Variants in PPP1R10 observed in about 807,000 individuals in gnomAD.
PPP1R10 encodes protein phosphatase 1 regulatory subunit 10.
PPP1R10 carries 15 observed loss-of-function variants against 99.0 expected under a neutral mutation model. The observed-to-expected ratio is 0.15, with a 90% CI of 0.10 to 0.23. The LOEUF (loss-of-function observed/expected upper bound fraction) is 0.23. Among genes scored for constraint, PPP1R10 ranks in the 10% least tolerant of loss-of-function variants. PPP1R10 has a pLI of 1.00. For missense variants in PPP1R10, 947 were observed against 1,259.4 expected, an observed-to-expected ratio of 0.75 and a Z score of 3.75; for synonymous variants, 430 against 449.5, an observed-to-expected ratio of 0.96 and a Z score of 0.55.
intron 2 of PPP1R10, among the ~76,000 whole-genome samples, chr6:30,615,100 G>A (rs1760320617): frequency 6.6e-6 from 1 of 152,072 alleles, no homozygotes; most frequent in Non-Finnish European, 1.5e-5. Flanking sequence ...CTAAGCTCAG[G>A]ATGGCAAAAG....
rs1459205706 is a variant in PPP1R10, at chr6:30,603,453, G to A, written c.1767+19C>T. The A allele has an allele frequency of 1.2e-6, 2 of 1,600,276 alleles. No individual in the cohort carries two copies. Among genetic ancestry groups the A allele is most frequent in the Admixed American group, 1.7e-5 (1 of 58,720 alleles). On this transcript the variant is annotated intron_variant, in intron 16 of 19. Transcript: ENST00000376511. ...AGGAGGCTCCACAGAAGGTGGAAAA[G>A]GGGAAGGAGGGTGCGTACCATGATG...
chr6:30,611,473 G>GA (rs1804550260), intron 2 of PPP1R10, among the ~76,000 whole-genome samples: 2 of 152,192 alleles, frequency 1.3e-5, no homozygotes, highest in Admixed American at 1.3e-4. Flanking sequence ...CAGAAGGGTA[G>GA]AAAAATCAGT....
Position 30,604,934 on chromosome 6 carries a change from CCTTT to C in PPP1R10, c.954+56_954+59del, listed in dbSNP as rs901792007. 1 of 1,570,356 alleles carries C rather than the reference CCTTT, an allele frequency of 6.4e-7. No individual in the cohort carries two copies. Among genetic ancestry groups the C allele is most frequent in the African/African-American group, 1.4e-5 (1 of 73,894 alleles). ...CCCCGACAACTCCTAGCTGCTGTGCCCTTTCTTCTACTTTACCTTTTATACTCTG... is the reference window on the plus strand; with the variant it reads ...CCCCGACAACTCCTAGCTGCTGTGCCCTTCTACTTTACCTTTTATACTCTG... On this transcript the variant is annotated intron_variant, in intron 11 of 19. Coordinates refer to ENST00000376511, the MANE Select transcript of PPP1R10 (RefSeq NM_002714.4). This position sits in a 1 kb window ranked among gnomAD's most constrained non-coding sequence, Gnocchi z 7.3.
chr6:30,602,718 G>A lies in PPP1R10; in HGVS notation c.1958-27C>T. On this transcript the variant is annotated intron_variant, in intron 18 of 19. Transcript: ENST00000376511. The surrounding 1 kb of genome is among the most constrained non-coding windows in gnomAD (Gnocchi z 6.7). ...TGTAAGGGGACAAAAAAGAGAGACAGTATCAGCTACCAGGAACTGCCATCT... is the reference window on the plus strand; with the variant it reads ...TGTAAGGGGACAAAAAAGAGAGACAATATCAGCTACCAGGAACTGCCATCT... 6.2e-7 allele frequency: 1 copy of A among 1,600,452 alleles called. No homozygotes were observed.
At position 30,602,598 on chromosome 6, in the gene PPP1R10, C is replaced by T; in HGVS notation, c.2051G>A (p.Gly684Asp). ...CATTGGGCCACCCCGCATAGGGTCGCCCGGGCCATCCCAGAAGGGATCACC... is the reference window on the plus strand; with the variant it reads ...CATTGGGCCACCCCGCATAGGGTCGTCCGGGCCATCCCAGAAGGGATCACC... ...RGGDPFWDGP[G>D]DPMRGGPMRG... The change falls in exon 19 of 20, where the codon GGC (glycine) becomes GAC (aspartate). Residue 684 changes from glycine (G) to aspartate (D), a missense_variant. Around this residue, in one of 10 missense-constraint regions of PPP1R10, gnomAD observed 525 missense variants for 578.8 expected, o/e 0.91. Transcript: ENST00000376511. The surrounding 1 kb of genome is among the most constrained non-coding windows in gnomAD (Gnocchi z 6.7). 1 of 1,574,662 alleles carries T rather than the reference C, an allele frequency of 6.4e-7. No individual in the cohort carries two copies. The highest frequency in any genetic ancestry group is 8.6e-7 in the Non-Finnish European group (1 of 1,163,004).
In PPP1R10 at chr6:30,609,940, C is replaced by G. The variant is rs780275271; in HGVS notation, c.5G>C (p.Gly2Ala). 1 of 1,612,544 alleles carries G rather than the reference C, an allele frequency of 6.2e-7. No homozygotes were observed. Among genetic ancestry groups the G allele is most frequent in the Non-Finnish European group, 8.5e-7 (1 of 1,178,596 alleles). ...TTCTTTGGGGTCTATGGGACCCGAA[C>G]CCATGATGGTGGTTTCTATGGTAAG... M[G>A]SGPIDPKELL... is the part of the protein sequence containing the mutation. Residue 2 changes from glycine (G) to alanine (A), a missense_variant, in exon 3 of 20, where the codon GGT (glycine) becomes GCT (alanine). Transcript: ENST00000376511. The surrounding 1 kb of genome is among the most constrained non-coding windows in gnomAD (Gnocchi z 4.5).
chr6:30,604,884 A>G lies in PPP1R10; in HGVS notation c.954+110T>C. ...GTCTCACCTGCACCAGTCTATATCCAAGGCAAAACGCCTCTTGTTGTCCTC... is the reference window on the plus strand; with the variant it reads ...GTCTCACCTGCACCAGTCTATATCCGAGGCAAAACGCCTCTTGTTGTCCTC... On this transcript the variant is annotated intron_variant, in intron 11 of 19. Coordinates refer to ENST00000376511, the MANE Select transcript of PPP1R10 (RefSeq NM_002714.4). The surrounding 1 kb of genome is among the most constrained non-coding windows in gnomAD (Gnocchi z 7.3). 6.6e-7 allele frequency: 1 copy of G among 1,508,958 alleles called. No homozygotes were observed. Among genetic ancestry groups the G allele is most frequent in the Non-Finnish European group, 9.2e-7 (1 of 1,086,906 alleles). The allele number at this position is 1,508,958 out of a possible 1,614,324, so 93.5% of individuals were successfully genotyped here. A position where few individuals can be genotyped will look rare whatever the true frequency, so the allele number is the denominator to read the frequency against.
At chr6:30,613,979 G>A (rs1352406804) in intron 2 of PPP1R10, among the ~76,000 whole-genome samples, 2 of 152,204 alleles carry the variant, frequency 1.3e-5, no homozygotes, top group Non-Finnish European at 2.9e-5. Flanking sequence ...TAGGAAGTTA[G>A]CCCTAAGTCT....
chr6:30,601,807 A>C, intron 19 of PPP1R10, 129 bp downstream of exon 19: 1 of 1,305,438 alleles, frequency 7.7e-7, no homozygotes, highest in Non-Finnish European at 1.0e-6. Context: ...ACTGCTATGC[A>C]TACTAGGACA....
In PPP1R10 at chr6:30,603,659, G is replaced by C. The variant is rs892357039; in HGVS notation, c.1580C>G (p.Ser527Cys). 6.3e-7 allele frequency: 1 copy of C among 1,593,696 alleles called. No individual in the cohort carries two copies. The change falls in exon 16 of 20, where the codon TCC becomes TGC. Residue 527 changes from serine to cysteine, a missense_variant. Transcript: ENST00000376511. Reference protein sequence around the residue: ...PKLIPLDEECSMDETPYVETL... With the variant: ...PKLIPLDEECCMDETPYVETL... ...CTCAACATACGGAGTCTCATCCATG[G>C]AACACTCCTGAAAGAAGAACAAAAA...
At chr6:30,613,579 A>C (rs1804772217) in intron 2 of PPP1R10, among the ~76,000 whole-genome samples, 1 of 152,034 alleles carries the variant, frequency 6.6e-6, no homozygotes, top group Non-Finnish European at 1.5e-5. Context: ...TGAGCTCCTC[A>C]AAAGCTTATC....
intron 5 of PPP1R10, among the ~76,000 whole-genome samples, chr6:30,608,485 T>C (rs1804201591): frequency 1.3e-5 from 2 of 151,992 alleles, no homozygotes; most frequent in South Asian, 4.1e-4. Context: ...GTATTTTTAG[T>C]GGAGACGGGG....
Position 30,609,070 on chromosome 6 carries a change from C to T in PPP1R10, c.194+7G>A, listed in dbSNP as rs139600376. The T allele has an allele frequency of 8.3e-3, 13,475 of 1,614,060 alleles. 100 individuals carry two copies. The highest frequency in any genetic ancestry group is 0.028 in the Middle Eastern group (169 of 6,062). On this transcript the variant is annotated splice_region_variant and intron_variant, in intron 4 of 19. Transcript: ENST00000376511. The surrounding 1 kb of genome is among the most constrained non-coding windows in gnomAD (Gnocchi z 4.5). ...TTCCCATTCCAACCATCCAGATCCC[C>T]ACTTACTTGACCAATATTTCTGGTG...
In PPP1R10 at chr6:30,603,772, T is replaced by C; in HGVS notation, c.1572+8A>G. On this transcript the variant is annotated splice_region_variant and intron_variant, in intron 15 of 19. Coordinates refer to ENST00000376511, the MANE Select transcript of PPP1R10 (RefSeq NM_002714.4). ...CACAACTTCCATCATCACAGAACATTGACTTACCTCATCTAGGGGGATGAG... is the reference window on the plus strand; with the variant it reads ...CACAACTTCCATCATCACAGAACATCGACTTACCTCATCTAGGGGGATGAG... 1 of 1,541,766 alleles carries C rather than the reference T, an allele frequency of 6.5e-7. No homozygotes were observed.
rs756919666 is a variant in PPP1R10 at position 30,604,772 on chromosome 6, G to C, written c.955-37C>G. On this transcript the variant is annotated intron_variant, in intron 11 of 19. Transcript: ENST00000376511. The surrounding 1 kb of genome is among the most constrained non-coding windows in gnomAD (Gnocchi z 7.3). ...GAAAAGGAAGTTAATGAACTGACTG[G>C]AAAGCCAAGGGCAAGGCAATTAGTC... The C allele has an allele frequency of 6.2e-7, 1 of 1,612,454 alleles. No homozygotes were observed. The highest frequency in any genetic ancestry group is 8.5e-7 in the Non-Finnish European group (1 of 1,179,840).
rs992638235 is a variant in PPP1R10 at position 30,601,669 on chromosome 6, G to A, written c.2714-11C>T. The A allele has an allele frequency of 8.7e-6, 14 of 1,611,234 alleles. No homozygotes were observed. Among genetic ancestry groups the A allele is most frequent in the African/African-American group, 1.3e-5 (1 of 74,842 alleles). The stretch of plus-strand genomic sequence containing the variant: ...GGCGGTTTGACATGTCTGTGGGAAC[G>A]ATGGCAAAACAGTTAGACAGGAAAT... On this transcript the variant is annotated splice_polypyrimidine_tract_variant and intron_variant, in intron 19 of 19. Coordinates refer to ENST00000376511, the MANE Select transcript of PPP1R10 (RefSeq NM_002714.4).
chr6:30,611,855 T>C (rs1251454242), intron 2 of PPP1R10, among the ~76,000 whole-genome samples: 2 of 152,136 alleles, frequency 1.3e-5, no homozygotes, highest in Non-Finnish European at 2.9e-5. Flanking sequence ...AGGAGAATAC[T>C]GGAAAAGATT....
At chr6:30,605,876 A>C in intron 10 of PPP1R10, 47 bp downstream of exon 10, 1 of 1,530,346 alleles carries the variant, frequency 6.5e-7, no homozygotes, top group Non-Finnish European at 8.9e-7. Flanking sequence ...AAAAAAAAAA[A>C]AAGTTTGCTC....
In PPP1R10 at chr6:30,602,762, C is replaced by T; in HGVS notation, c.1958-71G>A. The T allele has an allele frequency of 6.4e-7, 1 of 1,562,522 alleles. No individual in the cohort carries two copies. Among genetic ancestry groups the T allele is most frequent in the Non-Finnish European group, 8.7e-7 (1 of 1,149,540 alleles). ...GCCATCTCCCAACCTAAACCACCACCTCCCACCTTCCAGTCAATCCTATAC... is the reference window on the plus strand; with the variant it reads ...GCCATCTCCCAACCTAAACCACCACTTCCCACCTTCCAGTCAATCCTATAC... On this transcript the variant is annotated intron_variant, in intron 18 of 19. Coordinates refer to ENST00000376511, the MANE Select transcript of PPP1R10 (RefSeq NM_002714.4). The surrounding 1 kb of genome is among the most constrained non-coding windows in gnomAD (Gnocchi z 6.7).
Sources: gnomAD v4.1 joint callset for allele counts (sites outside exome capture counted in the v4.1 genomes callset) on GRCh38, gnomAD v4.1.1 for gene constraint, gnomAD v4.1.1 regional missense constraint, Gnocchi (gnomAD v3.1) non-coding constraint, MANE v1.5 for transcripts, NCBI Gene and HGNC (gene_info 2026-07-23, HGNC 2026-07-21) for gene names.